SH3RF3: variants seen among roughly 807,000 people sequenced by gnomAD.
SH3RF3 encodes SH3 domain containing ring finger 3.
In SH3RF3, 29 loss-of-function variants were observed where a neutral mutation model predicts 66.3. The observed-to-expected ratio is 0.44, with a 90% CI of 0.33 to 0.60. The LOEUF (loss-of-function observed/expected upper bound fraction) is 0.60, where lower values mean the gene tolerates loss of function less well. Among genes scored for constraint, SH3RF3 ranks in the 20% least tolerant of loss-of-function variants. The pLI, the probability that SH3RF3 is intolerant of heterozygous loss-of-function variation, is 0.04. For missense variants in SH3RF3, 1,194 were observed against 1,190.9 expected (o/e 1.00, Z -0.04); for synonymous variants, 583 against 532.0 (o/e 1.10, Z -1.32).
chr2:109,288,395 C>T (rs1290176180), intron 1 of SH3RF3, among the ~76,000 whole-genome samples: 1 of 152,130 alleles, frequency 6.6e-6, no homozygotes, highest in Non-Finnish European at 1.5e-5. Flanking sequence ...AAGACCAGTT[C>T]ACAAAGGAGG....
intron 8 of SH3RF3, among the ~76,000 whole-genome samples, chr2:109,473,600 A>C (rs1678585880): frequency 6.6e-6 from 1 of 152,186 alleles, no homozygotes; most frequent in African/African-American, 2.4e-5. Context: ...ATGGTTTCTG[A>C]ATGGGACCTA....
intron 8 of SH3RF3, among the ~76,000 whole-genome samples, chr2:109,463,080 A>G (rs1427278410): frequency 2.0e-5 from 3 of 152,206 alleles, no homozygotes; most frequent in African/African-American, 7.2e-5. Flanking sequence ...TGTAAATTCA[A>G]GGGATTCTGA....
chr2:109,432,780 C>G, intron 6 of SH3RF3, 109 bp downstream of exon 6: 1 of 1,388,442 alleles, frequency 7.2e-7, no homozygotes, highest in Non-Finnish European at 9.5e-7. Flanking sequence ...CAGAAGGCAG[C>G]AAGGCCACCA....
intron 8 of SH3RF3, among the ~76,000 whole-genome samples, chr2:109,475,294 C>T (rs1678655214): frequency 6.6e-6 from 1 of 152,200 alleles, no homozygotes; most frequent in Admixed American, 6.5e-5. Context: ...TATCTTAAAT[C>T]TCCGAGGGCT....
chr2:109,438,472 T>C (rs1677472741), intron 7 of SH3RF3, among the ~76,000 whole-genome samples: 1 of 152,220 alleles, frequency 6.6e-6, no homozygotes, highest in African/African-American at 2.4e-5. Context: ...GAAAGCTTCA[T>C]GGGTGGTCTG....
intron 1 of SH3RF3, among the ~76,000 whole-genome samples, chr2:109,219,126 TC>T (rs1679168676): frequency 6.6e-6 from 1 of 152,188 alleles, no homozygotes; most frequent in Non-Finnish European, 1.5e-5. Context: ...TTTGTGGAGT[TC>T]CACCTCTCTC....
chr2:109,443,811 A>G (rs752959325), intron 7 of SH3RF3, among the ~76,000 whole-genome samples: 1 of 152,258 alleles, frequency 6.6e-6, no homozygotes. Context: ...AGAGACTTTC[A>G]TGTCTCAATA....
chr2:109,440,328 A>G (rs1372544345), intron 7 of SH3RF3, among the ~76,000 whole-genome samples: 2 of 152,222 alleles, frequency 1.3e-5, no homozygotes, highest in East Asian at 3.8e-4. Flanking sequence ...CCAGGGGCCC[A>G]TGGACGCTGG....
chr2:109,460,459 A>G (rs547736059), intron 8 of SH3RF3, among the ~76,000 whole-genome samples: 115 of 152,252 alleles, frequency 7.6e-4, no homozygotes, highest in African/African-American at 2.4e-3. Context: ...GGTGAGTGGA[A>G]ATCCATGATG....
At position 109,501,972 on chromosome 2, in the gene SH3RF3, G is replaced by A. The variant is rs1203783465; in HGVS notation, c.*301G>A. ...TGCCGGCGCAGGCAGGCCTGTGGCT[G>A]TGGTTTGCAGCCATGGCAGCGTTCT... On this transcript the variant is annotated 3_prime_UTR_variant, in exon 10 of 10. Coordinates refer to ENST00000309415, the MANE Select transcript of SH3RF3 (RefSeq NM_001099289.3). 9.0e-6 allele frequency: 3 copies of A among 333,652 alleles called. No homozygotes were observed. The highest frequency in any genetic ancestry group is 1.7e-5 in the Non-Finnish European group (3 of 177,784). 20.7% of individuals were successfully genotyped at this position (333,652 alleles called of 1,614,324 possible).
chr2:109,490,388 CT>C (rs1679097987), intron 8 of SH3RF3, among the ~76,000 whole-genome samples: 1 of 152,214 alleles, frequency 6.6e-6, no homozygotes, highest in Non-Finnish European at 1.5e-5. Flanking sequence ...CTGGCCCTCA[CT>C]GGTTCACCCG....
At chr2:109,268,678 C>T (rs534684190) in intron 1 of SH3RF3, among the ~76,000 whole-genome samples, 2 of 152,186 alleles carry the variant, frequency 1.3e-5, no homozygotes, top group African/African-American at 4.8e-5. Flanking sequence ...CCTACACAAT[C>T]ACTCTATTTT....
chr2:109,424,242 C>A (rs1676971240), intron 5 of SH3RF3, among the ~76,000 whole-genome samples: 1 of 152,166 alleles, frequency 6.6e-6, no homozygotes, highest in South Asian at 2.1e-4. Flanking sequence ...AGTGAGCCAG[C>A]GCTGGCTTCA....
At chr2:109,445,523 GA>G (rs1464183097) in intron 7 of SH3RF3, among the ~76,000 whole-genome samples, 6 of 152,186 alleles carry the variant, frequency 3.9e-5, no homozygotes, top group Non-Finnish European at 8.8e-5. Context: ...TAAGTGTAAA[GA>G]AAAATGGGAA....
intron 1 of SH3RF3, among the ~76,000 whole-genome samples, chr2:109,183,511 A>T (rs1428695785): frequency 6.6e-6 from 1 of 152,166 alleles, no homozygotes; most frequent in Non-Finnish European, 1.5e-5. Context: ...TGGCCTTTTG[A>T]AGGCTGTGCC....
intron 1 of SH3RF3, among the ~76,000 whole-genome samples, chr2:109,250,820 C>A (rs186280575): frequency 6.6e-6 from 1 of 151,818 alleles, no homozygotes; most frequent in Non-Finnish European, 1.5e-5. Context: ...AATTTTGAAG[C>A]CCTGGGAAAT....
At chr2:109,469,572 G>A (rs951202135) in intron 8 of SH3RF3, among the ~76,000 whole-genome samples, 12 of 152,062 alleles carry the variant, frequency 7.9e-5, no homozygotes, top group African/African-American at 2.9e-4. Context: ...TGTCCTCTGT[G>A]TGTGACTTCT....
chr2:109,422,371 ACTGAAACATGAGCC>A (rs1676905423), intron 5 of SH3RF3, among the ~76,000 whole-genome samples: 1 of 152,226 alleles, frequency 6.6e-6, no homozygotes, highest in African/African-American at 2.4e-5. Flanking sequence ...CATCATGTGC[ACTGAAACATGAGCC>A]CTTGAGATTA....
At chr2:109,472,446 A>G (rs1678546149) in intron 8 of SH3RF3, among the ~76,000 whole-genome samples, 1 of 152,088 alleles carries the variant, frequency 6.6e-6, no homozygotes, top group Admixed American at 6.5e-5. Flanking sequence ...GGGCTTCCCG[A>G]CGGGGCTTCC....
Sources: allele counts gnomAD v4.1 joint callset (sites outside exome capture counted in the v4.1 genomes callset), GRCh38; gene constraint gnomAD v4.1.1; transcripts MANE v1.5; gene names NCBI Gene and HGNC (gene_info 2026-07-23, HGNC 2026-07-21).